Variants in ANKAR observed in about 807,000 individuals in gnomAD.
ANKAR encodes ankyrin and armadillo repeat containing.
ANKAR carries 136 observed loss-of-function variants against 146.2 expected under a neutral mutation model. The ratio of observed to expected loss-of-function variants is 0.93; its 90% CI spans 0.81 to 1.07. The LOEUF is 1.07. Ranked by LOEUF, ANKAR falls within the 50% of genes least tolerant of loss-of-function variation. The pLI is 0.00. For missense variants in ANKAR, 1,567 were observed against 1,679.9 expected, an observed-to-expected ratio of 0.93 and a Z score of 1.18; for synonymous variants, 500 against 575.8, an observed-to-expected ratio of 0.87 and a Z score of 1.88.
At chr2:189,696,055 T>A (rs2037150453) in intron 6 of ANKAR, 95 bp from the exon 7 acceptor site, 2 of 1,044,038 alleles carry the variant, frequency 1.9e-6, no homozygotes, top group Non-Finnish European at 2.8e-6. Context: ...TTAACAGCAT[T>A]CATGTGATTC....
chr2:189,706,897 C>T (rs774823233), intron 8 of ANKAR, 41 bp from the exon 9 acceptor site: 1 of 1,472,942 alleles, frequency 6.8e-7, no homozygotes, highest in South Asian at 1.3e-5. Context: ...GTAAATTTGA[C>T]ACTCTATGCG....
At chr2:189,755,267 CCAGA>C in intron 18 of ANKAR, 1 of 1,613,398 alleles carries the variant, frequency 6.2e-7, no homozygotes, top group South Asian at 1.1e-5. Flanking sequence ...ACAGTGACCT[CCAGA>C]AATCAAAAGA....
At chr2:189,677,585 CA>C (rs2033925071) in intron 2 of ANKAR, among the ~76,000 whole-genome samples, 1 of 152,088 alleles carries the variant, frequency 6.6e-6, no homozygotes, top group Non-Finnish European at 1.5e-5. Flanking sequence ...TAATGGTCTC[CA>C]ACCCCATCCA....
At position 189,676,992 on chromosome 2, in the gene ANKAR, C is replaced by A; in HGVS notation, c.502C>A (p.Arg168=). The stretch of plus-strand genomic sequence containing the variant: ...TGGAATATATATGCCCAAAGAAAAA[C>A]GAGCTAGATTCTCTGAATTGTGGCG... The part of the protein sequence containing the change: ...WHGIYMPKEK[R]ARFSELWRAI... Residue 168 remains arginine (R), a synonymous_variant, in exon 2 of 23, where the codon CGA becomes AGA. Transcript: ENST00000684021. 1 of 1,613,576 alleles carries A rather than the reference C, an allele frequency of 6.2e-7. No homozygotes were observed. Among genetic ancestry groups the A allele is most frequent in the Non-Finnish European group, 8.5e-7 (1 of 1,179,978 alleles).
At chr2:189,683,988 A>G (rs2035144386) in intron 2 of ANKAR, among the ~76,000 whole-genome samples, 1 of 152,124 alleles carries the variant, frequency 6.6e-6, no homozygotes, top group South Asian at 2.1e-4. Flanking sequence ...GCACACCAAA[A>G]ATCTGGCCAT....
At chr2:189,682,254 A>C (rs2034813480) in intron 2 of ANKAR, among the ~76,000 whole-genome samples, 1 of 152,128 alleles carries the variant, frequency 6.6e-6, no homozygotes, top group African/African-American at 2.4e-5. Flanking sequence ...GCACCTGTGA[A>C]TAACCACCAC....
chr2:189,703,033 T>C (rs972896107), intron 7 of ANKAR, among the ~76,000 whole-genome samples: 2 of 152,146 alleles, frequency 1.3e-5, no homozygotes, highest in Non-Finnish European at 2.9e-5. Context: ...CTGGGTAACC[T>C]GGGGCGTGTG....
chr2:189,697,629 C>T (rs922051933), intron 7 of ANKAR, among the ~76,000 whole-genome samples: 1 of 152,064 alleles, frequency 6.6e-6, no homozygotes, highest in Non-Finnish European at 1.5e-5. Flanking sequence ...AATTCAATCA[C>T]ATTTAAATGC....
intron 2 of ANKAR, among the ~76,000 whole-genome samples, chr2:189,685,061 A>G (rs2035346875): frequency 6.6e-6 from 1 of 151,860 alleles, no homozygotes. Context: ...GCTTGAATGC[A>G]GTGGCATGAT....
chr2:189,744,367 A>G (rs921178665), intron 21 of ANKAR, among the ~76,000 whole-genome samples: 3 of 152,218 alleles, frequency 2.0e-5, no homozygotes, highest in Non-Finnish European at 4.4e-5. Context: ...ATTAAGATAA[A>G]TAATGTAAGT....
intron 6 of ANKAR, 136 bp from the exon 7 acceptor site, chr2:189,696,014 T>G (rs539254896): frequency 2.3e-5 from 16 of 685,772 alleles, no homozygotes; most frequent in Non-Finnish European, 3.4e-5. Flanking sequence ...AAACTTTCCA[T>G]GCATGGATCT....
Position 189,746,500 on chromosome 2 carries a change from A to G in ANKAR, c.4178A>G (p.His1393Arg). Residue 1393 changes from histidine to arginine, a missense_variant, in exon 23 of 23, where the codon CAT becomes CGT. Transcript: ENST00000684021. Reference protein sequence around the residue: ...FKATKKTKDSHNIFSFSSTIT... With the variant: ...FKATKKTKDSRNIFSFSSTIT... ...GCAACAAAAAAGACCAAGGATTCCCATAATATTTTTTCTTTTTCATCTACA... is the reference window on the plus strand; with the variant it reads ...GCAACAAAAAAGACCAAGGATTCCCGTAATATTTTTTCTTTTTCATCTACA... 1.9e-6 allele frequency: 3 copies of G among 1,613,920 alleles called. No individual in the cohort carries two copies. Among genetic ancestry groups the G allele is most frequent in the Non-Finnish European group, 2.5e-6 (3 of 1,179,890 alleles).
In ANKAR at chr2:189,693,318, T is replaced by C. The variant is rs1005625863; in HGVS notation, c.1307+141T>C. ...AATAATAACCACCATGAATGACTTA[T>C]GGACTCAACAAAATATTAAATGTTA... On this transcript the variant is annotated intron_variant, in intron 5 of 22. Transcript: ENST00000684021. The C allele has an allele frequency of 5.0e-6, 3 of 597,942 alleles. No individual in the cohort carries two copies. The African/African-American group carries it at 5.8e-5, about 12-fold the overall frequency. The allele number at this position is 597,942 out of a possible 1,614,324, so 37.0% of individuals were successfully genotyped here. A position where few individuals can be genotyped will look rare whatever the true frequency, so the allele number is the denominator to read the frequency against.
intron 10 of ANKAR, among the ~76,000 whole-genome samples, chr2:189,714,577 C>T (rs903286520): frequency 1.3e-5 from 2 of 152,164 alleles, no homozygotes; most frequent in Non-Finnish European, 2.9e-5. Context: ...AACAAAGACA[C>T]AATGTACCAG....
rs190078016 is a variant in ANKAR, at chr2:189,752,851, T to G, written c.*584+8063T>G. 1,187 of 1,613,708 alleles carry G rather than the reference T, an allele frequency of 7.4e-4. 2 individuals are homozygous for G. Among genetic ancestry groups the G allele is most frequent in the Admixed American group, 1.1e-3 (63 of 59,994 alleles). On this transcript the variant is annotated intron_variant and NMD_transcript_variant, in intron 18 of 18. Transcript: ENST00000441800. ...AGCACGTATATCCTGTGGCTTACCA[T>G]GCAATCATAATGCCATTATCAGTGC...
intron 3 of ANKAR, 131 bp from the exon 4 acceptor site, chr2:189,692,124 A>G (rs2105809500): frequency 1.4e-6 from 1 of 734,052 alleles, no homozygotes; most frequent in South Asian, 2.1e-5. Context: ...TTTATGCACT[A>G]TAATTGCCAA....
intron 12 of ANKAR, among the ~76,000 whole-genome samples, chr2:189,724,401 A>C (rs1419272262): frequency 6.6e-6 from 1 of 152,156 alleles, no homozygotes; most frequent in East Asian, 1.9e-4. Context: ...CCCTACTTCA[A>C]GAGGAAATGA....
chr2:189,700,640 A>G (rs181908141), intron 7 of ANKAR, among the ~76,000 whole-genome samples: 31 of 152,160 alleles, frequency 2.0e-4, no homozygotes, highest in African/African-American at 7.2e-4. Context: ...GGTCTTATCT[A>G]TTCTTTCTAT....
intron 18 of ANKAR, among the ~76,000 whole-genome samples, chr2:189,751,661 T>C (rs1284354489): frequency 6.6e-6 from 1 of 150,550 alleles, no homozygotes; most frequent in Non-Finnish European, 1.5e-5. Flanking sequence ...GCCAGGCTGG[T>C]CTCGAACTCC....
Sources: allele counts gnomAD v4.1 joint callset (sites outside exome capture counted in the v4.1 genomes callset), GRCh38; gene constraint gnomAD v4.1.1; transcripts MANE v1.5; gene names NCBI Gene and HGNC (gene_info 2026-07-23, HGNC 2026-07-21).